MIER1: variants seen among roughly 807,000 people sequenced by gnomAD.
MIER1 encodes MIER1 transcriptional regulator, also known as mesoderm induction early response protein 1.
A neutral mutation model predicts 75.7 loss-of-function variants in MIER1; 40 were observed. The ratio of observed to expected loss-of-function variants is 0.53; its 90% confidence interval spans 0.41 to 0.69. MIER1 has a LOEUF of 0.69. Ranked by LOEUF, MIER1 falls within the 30% of genes least tolerant of loss-of-function variation. MIER1 has a pLI of 0.00. For missense variants in MIER1, 574 were observed against 680.2 expected (o/e 0.84, Z 1.74); for synonymous variants, 213 against 223.4 (o/e 0.95, Z 0.42).
At chr1:66,976,570 A>T in intron 11 of MIER1, 25 bp from the exon 12 acceptor site, 1 of 1,537,160 alleles carries the variant, frequency 6.5e-7, no homozygotes, top group Non-Finnish European at 8.7e-7. Context: ...GGAGATTCTT[A>T]AAAGCAAGCA....
chr1:66,974,156 C>A (rs1266556011), intron 11 of MIER1, among the ~76,000 whole-genome samples: 1 of 151,592 alleles, frequency 6.6e-6, no homozygotes, highest in Admixed American at 6.6e-5. Flanking sequence ...TTAGTTCATT[C>A]TTAATTATTT....
At chr1:66,980,376 G>T (rs1665641671) in intron 12 of MIER1, among the ~76,000 whole-genome samples, 1 of 152,160 alleles carries the variant, frequency 6.6e-6, no homozygotes, top group Non-Finnish European at 1.5e-5. Flanking sequence ...AATTGCATAG[G>T]TCATGGTCAT....
intron 11 of MIER1, among the ~76,000 whole-genome samples, chr1:66,973,331 AT>A (rs1664077763): frequency 6.6e-6 from 1 of 152,082 alleles, no homozygotes; most frequent in Admixed American, 6.5e-5. Context: ...CTTTGAAATG[AT>A]TTGGAAACTT....
intron 4 of MIER1, among the ~76,000 whole-genome samples, chr1:66,953,255 AAAT>A (rs1364447963): frequency 1.3e-5 from 2 of 152,208 alleles, no homozygotes; most frequent in African/African-American, 2.4e-5. Flanking sequence ...CTTGGAGGGG[AAAT>A]AATAAATAAT....
intron 4 of MIER1, chr1:66,946,640 C>T: frequency 1.0e-6 from 1 of 998,508 alleles, no homozygotes. Flanking sequence ...TACTTATTCT[C>T]CTTCAGAGCC....
Position 66,988,570 on chromosome 1 carries a change from T to A in MIER1, c.*3670T>A, listed in dbSNP as rs1667064573. On this transcript the variant is annotated 3_prime_UTR_variant, in exon 14 of 14. Transcript: ENST00000401041. Reference sequence around the variant, plus strand: ...TTATTTTCAATTTGTCTTTAGTTAGTATAAAGAATTATAGAATGTATAATG... The same window carrying A: ...TTATTTTCAATTTGTCTTTAGTTAGAATAAAGAATTATAGAATGTATAATG... The A allele has an allele frequency of 6.6e-6, 1 of 152,262 alleles. No individual in the cohort carries two copies. Among genetic ancestry groups the A allele is most frequent in the Non-Finnish European group, 1.5e-5 (1 of 67,966 alleles). The allele number at this position is 152,262 out of a possible 1,614,324, so 9.4% of individuals were successfully genotyped here. A position where few individuals can be genotyped will look rare whatever the true frequency, so the allele number is the denominator to read the frequency against.
At chr1:66,953,736 T>C (rs770013947) in intron 4 of MIER1, among the ~76,000 whole-genome samples, 11 of 152,000 alleles carry the variant, frequency 7.2e-5, no homozygotes, top group Non-Finnish European at 1.3e-4. Flanking sequence ...CCTGAGTAGC[T>C]GGGATTACAT....
intron 4 of MIER1, chr1:66,948,263 TA>T: frequency 1.1e-6 from 1 of 918,174 alleles, no homozygotes; most frequent in Non-Finnish European, 1.3e-6. Context: ...TACTCCATGA[TA>T]AAAAGAACAT....
intron 4 of MIER1, among the ~76,000 whole-genome samples, chr1:66,953,230 A>G (rs1659369019): frequency 6.6e-6 from 1 of 152,236 alleles, no homozygotes; most frequent in African/African-American, 2.4e-5. Flanking sequence ...GTACAGAAGT[A>G]GAGAGTAGGA....
chr1:66,964,448 CTTTTTTTTTTT>C (rs71058483), intron 8 of MIER1, among the ~76,000 whole-genome samples: 8 of 119,800 alleles, frequency 6.7e-5, no homozygotes, highest in Non-Finnish European at 1.4e-4. Flanking sequence ...TGTATGTTTC[CTTTTTTTTTTT>C]TTTTTTTTTT....
In MIER1 at chr1:66,985,197, CTG is replaced by C; in HGVS notation, c.*298_*299del. 1.0e-6 allele frequency: 1 copy of C among 975,748 alleles called. No homozygotes were observed. The highest frequency in any genetic ancestry group is 1.2e-6 in the Non-Finnish European group (1 of 813,384). 60.4% of individuals were successfully genotyped at this position (975,748 alleles called of 1,614,324 possible). A position where few individuals can be genotyped will look rare whatever the true frequency, so the allele number is the denominator to read the frequency against. The stretch of plus-strand genomic sequence containing the variant: ...TTCAGATTTACTAATTTTGGTAAAT[CTG>C]AATGAACTAAAGATGTATCTGTACC... On this transcript the variant is annotated 3_prime_UTR_variant, in exon 14 of 14. Transcript: ENST00000401041.
chr1:66,976,512 T>C, intron 11 of MIER1, 83 bp from the exon 12 acceptor site: 1 of 1,404,046 alleles, frequency 7.1e-7, no homozygotes, highest in East Asian at 2.4e-5. Flanking sequence ...ACTAGCCAAA[T>C]TTATTTTCAA....
At chr1:66,952,191 CACTT>C (rs1299620650) in intron 4 of MIER1, among the ~76,000 whole-genome samples, 1 of 152,170 alleles carries the variant, frequency 6.6e-6, no homozygotes, top group East Asian at 1.9e-4. Context: ...ACTCTTTTAA[CACTT>C]ACGTGAATGG....
chr1:66,951,682 C>T (rs1307709492), intron 4 of MIER1, among the ~76,000 whole-genome samples: 1 of 152,074 alleles, frequency 6.6e-6, no homozygotes, highest in African/African-American at 2.4e-5. Context: ...TGCGTTCATG[C>T]CTTTCTCTCG....
chr1:66,982,740 CAT>C lies in MIER1; in HGVS notation c.1369+823_1369+824del, dbSNP rs550230563. On this transcript the variant is annotated intron_variant, in intron 13 of 13. Transcript: ENST00000401041. ...GATCCTCTTCTGACCTTTGGTCTCACATTGGTCCTGCTGGAGTGTATATGCTT... is the reference window on the plus strand; with the variant it reads ...GATCCTCTTCTGACCTTTGGTCTCACTGGTCCTGCTGGAGTGTATATGCTT... Among the ~76,000 whole-genome samples the C allele has an allele frequency of 2.8e-4, 42 of 152,314 alleles. No individual in the cohort carries two copies. The East Asian group carries it at 7.3e-3, about 27-fold the overall frequency.
chr1:66,972,749 CTT>C, intron 10 of MIER1, 146 bp from the exon 11 acceptor site: 1 of 532,380 alleles, frequency 1.9e-6, no homozygotes, highest in Non-Finnish European at 3.3e-6. Context: ...ATTGTTGTCA[CTT>C]TATCTTTTGC....
chr1:66,929,095 C>A, intron 2 of MIER1: 2 of 678,902 alleles, frequency 2.9e-6, no homozygotes, highest in Non-Finnish European at 5.1e-6. Flanking sequence ...TTGATAGAGT[C>A]TAGAATTTTA....
At chr1:66,979,791 T>C (rs1356130232) in intron 12 of MIER1, among the ~76,000 whole-genome samples, 1 of 151,458 alleles carries the variant, frequency 6.6e-6, no homozygotes, top group Non-Finnish European at 1.5e-5. Flanking sequence ...AGACGGAGTC[T>C]CAACCTGTTG....
At chr1:66,963,300 C>T in intron 8 of MIER1, 140 bp downstream of exon 8, 1 of 527,858 alleles carries the variant, frequency 1.9e-6, no homozygotes, top group Non-Finnish European at 3.4e-6. Flanking sequence ...AAAGAGGACC[C>T]TTCATTATTT....
Sources: allele counts gnomAD v4.1 joint callset (sites outside exome capture counted in the v4.1 genomes callset), GRCh38; gene constraint gnomAD v4.1.1; transcripts MANE v1.5; gene names NCBI Gene and HGNC (gene_info 2026-07-23, HGNC 2026-07-21).